UNC13C: variants seen among roughly 807,000 people sequenced by gnomAD.
UNC13C encodes unc-13 homolog C.
UNC13C carries 174 observed loss-of-function variants against 245.4 expected under a neutral mutation model. That is an observed-to-expected ratio of 0.71 (90% confidence interval 0.63 to 0.80). UNC13C has a LOEUF of 0.80. UNC13C is among the 30% of genes least tolerant of loss of function. The pLI, the probability that UNC13C is intolerant of heterozygous loss-of-function variation, is 0.00. For synonymous variants in UNC13C, 992 were observed against 895.1 expected, an observed-to-expected ratio of 1.11 and a Z score of -1.93; for missense variants, 2,829 against 2,602.9, an observed-to-expected ratio of 1.09 and a Z score of -1.89.
intron 17 of UNC13C, among the ~76,000 whole-genome samples, chr15:54,378,068 T>C (rs1372706724): frequency 1.3e-5 from 2 of 152,182 alleles, no homozygotes; most frequent in African/African-American, 2.4e-5. Context: ...TACCCATGTG[T>C]ACGTGGAAGT....
intron 14 of UNC13C, among the ~76,000 whole-genome samples, chr15:54,330,342 T>C (rs1416176609): frequency 6.6e-6 from 1 of 152,062 alleles, no homozygotes; most frequent in Non-Finnish European, 1.5e-5. Context: ...AACCATGGCA[T>C]GTGGTCATCC....
At chr15:53,924,785 T>C in the UNC13C span, among the ~76,000 whole-genome samples, 9 of 152,344 alleles carry the variant, frequency 5.9e-5, no homozygotes, top group African/African-American at 2.2e-4. Context: ...CTGAATCATT[T>C]TGAACACAAA....
At chr15:54,109,285 C>T (rs1371880697) in intron 2 of UNC13C, among the ~76,000 whole-genome samples, 1 of 85,592 alleles carries the variant, frequency 1.2e-5, no homozygotes, top group Non-Finnish European at 2.5e-5. Context: ...CCTCCCCTCC[C>T]CTCCCCTCCC....
chr15:54,447,562 A>T (rs1361306712), intron 19 of UNC13C, among the ~76,000 whole-genome samples: 7 of 152,136 alleles, frequency 4.6e-5, no homozygotes, highest in Non-Finnish European at 7.3e-5. Context: ...ATTTGCATAG[A>T]GGTGTTTATA....
At chr15:54,553,351 T>C (rs1417516243) in intron 28 of UNC13C, among the ~76,000 whole-genome samples, 1 of 122,006 alleles carries the variant, frequency 8.2e-6, no homozygotes, top group Non-Finnish European at 1.6e-5. Context: ...TATATTGTAA[T>C]ATATAATATA....
chr15:54,120,385 C>T (rs1471267098), intron 2 of UNC13C, among the ~76,000 whole-genome samples: 6 of 152,018 alleles, frequency 3.9e-5, no homozygotes, highest in East Asian at 1.9e-4. Context: ...TTATTTGCAA[C>T]GTGGTTTACT....
chr15:53,908,772 T>A, the UNC13C span, among the ~76,000 whole-genome samples: 38 of 77,480 alleles, frequency 4.9e-4, 1 homozygote, highest in African/African-American at 9.9e-4. Flanking sequence ...AAAAAAAAAG[T>A]GTATCTAAAT....
At position 54,051,252 on chromosome 15, in the gene UNC13C, A is replaced by G. The variant is rs146031462; in HGVS notation, c.2983+35366A>G. On this transcript the variant is annotated intron_variant, in intron 2 of 32. Coordinates refer to ENST00000260323, the MANE Select transcript of UNC13C (RefSeq NM_001080534.3). ...ATATTTTTATAACTTCATGTATTTC[A>G]TTTGTATTCTTGATGCATTTGGAGT... Among the ~76,000 whole-genome samples, 4 of 152,172 alleles carry G rather than the reference A, an allele frequency of 2.6e-5. No individual in the cohort carries two copies. In the East Asian group the frequency reaches 7.7e-4, roughly 29 times the overall value.
At chr15:53,840,802 G>C in the UNC13C span, among the ~76,000 whole-genome samples, 1 of 152,136 alleles carries the variant, frequency 6.6e-6, no homozygotes, top group Non-Finnish European at 1.5e-5. Flanking sequence ...ACTCATATGT[G>C]ACCAGAGCAA....
the UNC13C span, among the ~76,000 whole-genome samples, chr15:53,937,353 C>A: frequency 5.5e-3 from 831 of 152,096 alleles, 9 homozygotes; most frequent in African/African-American, 0.019. Context: ...TTAAAAGGAA[C>A]AAACAAAACC....
intron 4 of UNC13C, among the ~76,000 whole-genome samples, chr15:54,211,895 G>C (rs1567101791): frequency 6.6e-6 from 1 of 152,080 alleles, no homozygotes; most frequent in Non-Finnish European, 1.5e-5. Context: ...TGATGCCAAA[G>C]TCTTCTCCTC....
chr15:54,483,410 A>ACTC (rs10650796), intron 19 of UNC13C, among the ~76,000 whole-genome samples: 62,643 of 151,884 alleles, frequency 0.41, 13,181 homozygotes, highest in East Asian at 0.62. Context: ...AGGTTTGTGA[A>ACTC]CTACTCTAAA....
intron 4 of UNC13C, among the ~76,000 whole-genome samples, chr15:54,206,309 C>A (rs2034706307): frequency 6.6e-6 from 1 of 152,000 alleles, no homozygotes; most frequent in African/African-American, 2.4e-5. Context: ...ATCCCTCATC[C>A]TCCAATCAAG....
At chr15:54,155,186 C>T (rs2032689883) in intron 4 of UNC13C, among the ~76,000 whole-genome samples, 1 of 152,126 alleles carries the variant, frequency 6.6e-6, no homozygotes, top group Non-Finnish European at 1.5e-5. Flanking sequence ...TGTGGTCAGC[C>T]CAACAGAGGC....
At chr15:54,608,224 CAAAT>C (rs1292016842) in intron 30 of UNC13C, among the ~76,000 whole-genome samples, 1 of 152,090 alleles carries the variant, frequency 6.6e-6, no homozygotes, top group South Asian at 2.1e-4. Flanking sequence ...TCATCTTACT[CAAAT>C]AAAAACAAAA....
chr15:54,516,754 C>G (rs908923834), intron 24 of UNC13C, among the ~76,000 whole-genome samples: 1 of 145,626 alleles, frequency 6.9e-6, no homozygotes, highest in African/African-American at 2.6e-5. Flanking sequence ...GAGCAGAGAT[C>G]GCACCACGGC....
At chr15:53,913,200 T>C in the UNC13C span, 1 of 152,290 alleles carries the variant, frequency 6.6e-6, no homozygotes, top group South Asian at 2.1e-4. Flanking sequence ...TTGCCTGGGA[T>C]TGGGATGATG....
chr15:54,293,469 T>C (rs1164693204), intron 10 of UNC13C, among the ~76,000 whole-genome samples: 2 of 152,072 alleles, frequency 1.3e-5, no homozygotes, highest in Non-Finnish European at 2.9e-5. Context: ...AAACTATTAT[T>C]GTCATTTTGT....
At chr15:54,209,964 T>G (rs1275070288) in intron 4 of UNC13C, among the ~76,000 whole-genome samples, 14 of 152,018 alleles carry the variant, frequency 9.2e-5, no homozygotes, top group African/African-American at 3.4e-4. Context: ...AGACACTGTT[T>G]CATAACTACT....
Sources: gnomAD v4.1 joint callset for allele counts (sites outside exome capture counted in the v4.1 genomes callset) on GRCh38, gnomAD v4.1.1 for gene constraint, MANE v1.5 for transcripts, NCBI Gene and HGNC (gene_info 2026-07-23, HGNC 2026-07-21) for gene names.